RAD54L: variants seen among roughly 807,000 people sequenced by gnomAD.
RAD54L encodes RAD54 like.
Under a neutral mutation model 91.6 loss-of-function variants are expected in RAD54L, and 74 were observed. The ratio of observed to expected loss-of-function variants is 0.81; its 90% CI spans 0.67 to 0.98. The LOEUF is 0.98. Among genes scored for constraint, RAD54L ranks in the 50% least tolerant of loss-of-function variants. The pLI is 0.00. For missense variants in RAD54L, 887 were observed against 945.7 expected, an observed-to-expected ratio of 0.94 and a Z score of 0.81; for synonymous variants, 304 against 349.7, an observed-to-expected ratio of 0.87 and a Z score of 1.46.
At position 46,248,608 on chromosome 1, in the gene RAD54L, C is replaced by T. The variant is rs766262766; in HGVS notation, c.90+10C>T. On this transcript the variant is annotated intron_variant, in intron 2 of 17. Coordinates refer to ENST00000371975, the MANE Select transcript of RAD54L (RefSeq NM_003579.4). ...GCAACCTGGCCTAGTGGTGAGCACTCAAGGGGACAGGGAAGGTGGGTAGAG... is the reference window on the plus strand; with the variant it reads ...GCAACCTGGCCTAGTGGTGAGCACTTAAGGGGACAGGGAAGGTGGGTAGAG... 14 of 1,613,108 alleles carry T rather than the reference C, an allele frequency of 8.7e-6. No homozygotes were observed. The East Asian group carries it at 1.8e-4, about 21-fold the overall frequency.
chr1:46,247,845 C>T lies in RAD54L; in HGVS notation c.-561C>T. On this transcript the variant is annotated 5_prime_UTR_variant, in exon 1 of 18. Coordinates refer to ENST00000371975, the MANE Select transcript of RAD54L (RefSeq NM_003579.4). ...ATCTCTGTCGCTCTTTTCAGCCCCTCCTGGTATTCCCCTCCTAACCTGGGT... is the reference window on the plus strand; with the variant it reads ...ATCTCTGTCGCTCTTTTCAGCCCCTTCTGGTATTCCCCTCCTAACCTGGGT... The T allele has an allele frequency of 4.8e-6, 1 of 210,506 alleles. No homozygotes were observed. The highest frequency in any genetic ancestry group is 9.8e-6 in the Non-Finnish European group (1 of 102,152). The allele number at this position is 210,506 out of a possible 1,614,324, so 13.0% of individuals were successfully genotyped here.
chr1:46,269,783 C>T (rs1660369403), intron 9 of RAD54L, among the ~76,000 whole-genome samples: 1 of 152,086 alleles, frequency 6.6e-6, no homozygotes, highest in African/African-American at 2.4e-5. Flanking sequence ...TGATCTGTCT[C>T]TCAACTTGTT....
intron 10 of RAD54L, among the ~76,000 whole-genome samples, chr1:46,271,833 A>G (rs1015366807): frequency 1.3e-5 from 2 of 151,988 alleles, no homozygotes; most frequent in South Asian, 2.1e-4. Context: ...TCCCCTAAGG[A>G]CTTAGTAATT....
rs765024184 is a variant in RAD54L, at chr1:46,272,831, CTG to C, written c.1375+32_1375+33del. On this transcript the variant is annotated intron_variant, in intron 12 of 17. Coordinates refer to ENST00000371975, the MANE Select transcript of RAD54L (RefSeq NM_003579.4). ...AGTTGGGCTTGTGTCCTGGTGTCCT[CTG>C]TGAGAGTGAGCAAGGGAGGGTAGGT... 14 of 1,613,748 alleles carry C rather than the reference CTG, an allele frequency of 8.7e-6. No individual in the cohort carries two copies. In the East Asian group the frequency reaches 3.1e-4, roughly 36 times the overall value.
In RAD54L at chr1:46,260,616, A is replaced by T; in HGVS notation, c.477+5A>T. On this transcript the variant is annotated splice_donor_5th_base_variant and intron_variant, in intron 6 of 17. Coordinates refer to ENST00000371975, the MANE Select transcript of RAD54L (RefSeq NM_003579.4). Reference sequence around the variant, plus strand: ...TTGCGGCCTCATCAGAGAGAGGTAAATGAGGGTGAGGGGAACGAGGTATGG... The same window carrying T: ...TTGCGGCCTCATCAGAGAGAGGTAATTGAGGGTGAGGGGAACGAGGTATGG... 2 of 1,613,996 alleles carry T rather than the reference A, an allele frequency of 1.2e-6. No homozygotes were observed. Among genetic ancestry groups the T allele is most frequent in the Middle Eastern group, 3.3e-4 (2 of 6,062 alleles).
intron 12 of RAD54L, 76 bp downstream of exon 12, chr1:46,272,878 C>T (rs1171720724): frequency 2.5e-6 from 4 of 1,587,564 alleles, no homozygotes; most frequent in South Asian, 1.1e-5. Context: ...GGCCTGGCAA[C>T]CCTCACTAAA....
In RAD54L at chr1:46,248,427, G is replaced by A. The variant is rs200562647; in HGVS notation, c.3+19G>A. ...CAGGATGGTAAGTGTGGGCCTAGGG[G>A]AGACTGGGAATAGCCCTGGGTCAGG... On this transcript the variant is annotated intron_variant, in intron 1 of 17. Coordinates refer to ENST00000371975, the MANE Select transcript of RAD54L (RefSeq NM_003579.4). 281 of 1,614,128 alleles carry A rather than the reference G, an allele frequency of 1.7e-4. 1 individual carries two copies. The highest frequency in any genetic ancestry group is 1.0e-3 in the South Asian group (91 of 91,076).
chr1:46,275,385 A>C (rs1469218568), intron 16 of RAD54L, among the ~76,000 whole-genome samples: 2 of 152,142 alleles, frequency 1.3e-5, no homozygotes, highest in Admixed American at 1.3e-4. Context: ...TTGTCCTCCT[A>C]GCTTTCACAT....
At chr1:46,276,860 G>A (rs1660619725) in intron 16 of RAD54L, among the ~76,000 whole-genome samples, 2 of 152,286 alleles carry the variant, frequency 1.3e-5, no homozygotes, top group South Asian at 4.1e-4. Flanking sequence ...GAGTGCAATG[G>A]CACCATCTCA....
rs554631662 is a variant in RAD54L, at chr1:46,263,806, G to GT, written c.891+2430dup. ...GCATCTAAATTTTTTTCTACTTTTTGTTTTTTTTTGAGACAAGGGTCTTGT... is the reference window on the plus strand; with the variant it reads ...GCATCTAAATTTTTTTCTACTTTTTGTTTTTTTTTTGAGACAAGGGTCTTGT... On this transcript the variant is annotated intron_variant, in intron 8 of 17. Transcript: ENST00000371975. This position sits in a 1 kb window ranked among gnomAD's most constrained non-coding sequence, Gnocchi z 4.3. Among the ~76,000 whole-genome samples the GT allele has an allele frequency of 8.3e-3, 1,247 of 150,522 alleles. 19 individuals are homozygous for GT. Among genetic ancestry groups the GT allele is most frequent in the Middle Eastern group, 0.038 (11 of 292 alleles).
intron 3 of RAD54L, among the ~76,000 whole-genome samples, chr1:46,253,577 T>G (rs1416384482): frequency 1.3e-5 from 2 of 151,466 alleles, no homozygotes; most frequent in Non-Finnish European, 2.9e-5. Flanking sequence ...ATTGTGCCAC[T>G]GCGCTCCAGC....
chr1:46,258,496 G>A (rs994312940), intron 3 of RAD54L, among the ~76,000 whole-genome samples, 190 bp from the exon 4 acceptor site: 2 of 152,128 alleles, frequency 1.3e-5, no homozygotes, highest in African/African-American at 4.8e-5. Context: ...ATGAGTGAAT[G>A]GTTTCCTGGG....
chr1:46,274,542 C>T lies in RAD54L; in HGVS notation c.1694C>T (p.Pro565Leu). ...TCCTGTTTCTTCTCTTTCCAGAGCC[C>T]TGACTTTGTCTTCATGCTGAGCAGC... ...VVERFNSPSS[P>L]DFVFMLSSKA... The change falls in exon 16 of 18, where the codon CCT becomes CTT. Residue 565 changes from proline to leucine, a missense_variant. Physicochemically the swap from Pro to Leu is moderately conservative, Grantham distance 98. Coordinates refer to ENST00000371975, the MANE Select transcript of RAD54L (RefSeq NM_003579.4). 6.2e-7 allele frequency: 1 copy of T among 1,612,736 alleles called. No homozygotes were observed. Among genetic ancestry groups the T allele is most frequent in the Non-Finnish European group, 8.5e-7 (1 of 1,180,022 alleles).
At chr1:46,258,480 T>G (rs1660003685) in intron 3 of RAD54L, among the ~76,000 whole-genome samples, 1 of 152,144 alleles carries the variant, frequency 6.6e-6, no homozygotes, top group Admixed American at 6.5e-5. Context: ...ACTGGCATGG[T>G]TTTTAATGAG....
Position 46,265,896 on chromosome 1 carries a change from C to T in RAD54L, c.892-1563C>T, listed in dbSNP as rs1029926534. Reference sequence around the variant, plus strand: ...TGTTTACCTCTCTGAATCTTAGTTTCTTCATCTCTAAAATGGATAATACAA... The same window carrying T: ...TGTTTACCTCTCTGAATCTTAGTTTTTTCATCTCTAAAATGGATAATACAA... On this transcript the variant is annotated intron_variant, in intron 8 of 17. Transcript: ENST00000371975. The surrounding 1 kb of genome is among the most constrained non-coding windows in gnomAD (Gnocchi z 4.8). Among the ~76,000 whole-genome samples the T allele has an allele frequency of 3.3e-5, 5 of 152,198 alleles. No individual in the cohort carries two copies. The highest frequency in any genetic ancestry group is 1.2e-4 in the African/African-American group (5 of 41,456).
At chr1:46,267,792 C>T (rs1044907637) in intron 9 of RAD54L, 183 bp downstream of exon 9, 20 of 802,176 alleles carry the variant, frequency 2.5e-5, no homozygotes, top group Admixed American at 1.1e-4. Context: ...ATCTGCTGAG[C>T]AACTCAGCAA....
At chr1:46,264,113 G>GT (rs1660203998) in intron 8 of RAD54L, among the ~76,000 whole-genome samples, 1 of 152,134 alleles carries the variant, frequency 6.6e-6, no homozygotes, top group Non-Finnish European at 1.5e-5. Flanking sequence ...ACTCCTTAGT[G>GT]TTTTTTTCTT....
intron 3 of RAD54L, among the ~76,000 whole-genome samples, chr1:46,253,741 T>TTTTTTTC (rs1659865630): frequency 6.8e-6 from 1 of 146,146 alleles, no homozygotes; most frequent in African/African-American, 2.5e-5. Context: ...TTTTTTTTTT[T>TTTTTTTC]GAGACAGAGT....
intron 3 of RAD54L, 144 bp downstream of exon 3, chr1:46,250,263 T>A: frequency 4.5e-6 from 5 of 1,118,386 alleles, no homozygotes; most frequent in South Asian, 1.3e-5. Flanking sequence ...TGCCCACAGC[T>A]GCTGGGGCCT....
Sources: gnomAD v4.1 joint callset for allele counts (sites outside exome capture counted in the v4.1 genomes callset) on GRCh38, gnomAD v4.1.1 for gene constraint, Gnocchi (gnomAD v3.1) non-coding constraint, MANE v1.5 for transcripts, NCBI Gene and HGNC (gene_info 2026-07-23, HGNC 2026-07-21) for gene names.